ARHGAP10: variants seen among roughly 807,000 people sequenced by gnomAD.
ARHGAP10 encodes the protein rho GTPase-activating protein 10.
In ARHGAP10, 87 loss-of-function variants were observed where a neutral mutation model predicts 108.6. That is an observed-to-expected ratio of 0.80 (90% CI 0.67 to 0.96). The LOEUF (loss-of-function observed/expected upper bound fraction) is 0.96. Ranked by LOEUF, ARHGAP10 falls within the 40% of genes least tolerant of loss-of-function variation. The pLI is 0.00. For missense variants in ARHGAP10, 939 were observed against 954.5 expected (o/e 0.98, Z 0.21); for synonymous variants, 347 against 341.1 (o/e 1.02, Z -0.19).
chr4:148,035,702 G>A (rs141357801), intron 19 of ARHGAP10, among the ~76,000 whole-genome samples: 3 of 152,248 alleles, frequency 2.0e-5, no homozygotes, highest in Admixed American at 6.5e-5. Context: ...TCTACCATGC[G>A]GCAGTTATAA....
intron 13 of ARHGAP10, among the ~76,000 whole-genome samples, chr4:147,917,584 TAGAC>T (rs1737040189): frequency 6.6e-6 from 1 of 152,206 alleles, no homozygotes; most frequent in African/African-American, 2.4e-5. Context: ...TCTGAAGCCA[TAGAC>T]AGATTAGCAT....
At chr4:147,742,974 A>G (rs1045690319) in intron 1 of ARHGAP10, among the ~76,000 whole-genome samples, 2 of 149,916 alleles carry the variant, frequency 1.3e-5, no homozygotes, top group Non-Finnish European at 3.0e-5. Context: ...TTGACATGAC[A>G]TTACATTTAT....
At chr4:147,788,759 C>T (rs1452199544) in intron 1 of ARHGAP10, among the ~76,000 whole-genome samples, 1 of 152,138 alleles carries the variant, frequency 6.6e-6, no homozygotes, top group Non-Finnish European at 1.5e-5. Flanking sequence ...GAGGTATTTG[C>T]TGAGAGCTCT....
At chr4:148,054,276 A>C (rs1560894940) in intron 20 of ARHGAP10, among the ~76,000 whole-genome samples, 1 of 152,224 alleles carries the variant, frequency 6.6e-6, no homozygotes, top group Non-Finnish European at 1.5e-5. Context: ...TACAACCTTG[A>C]AGATCTTTTA....
chr4:147,835,907 C>T (rs1365613413), intron 3 of ARHGAP10, among the ~76,000 whole-genome samples: 1 of 152,198 alleles, frequency 6.6e-6, no homozygotes, highest in African/African-American at 2.4e-5. Context: ...AAGCGAGGTT[C>T]TTACTGTCCC....
intron 1 of ARHGAP10, among the ~76,000 whole-genome samples, chr4:147,817,216 C>T (rs1442969673): frequency 2.0e-5 from 3 of 152,082 alleles, no homozygotes; most frequent in Non-Finnish European, 4.4e-5. Context: ...TTAGTGCTTT[C>T]GTTGCTGGGG....
chr4:147,930,211 G>T (rs982698485), intron 13 of ARHGAP10, among the ~76,000 whole-genome samples: 1 of 152,002 alleles, frequency 6.6e-6, no homozygotes, highest in Non-Finnish European at 1.5e-5. Flanking sequence ...AGAATCATAC[G>T]GCTGCAAAAT....
intron 10 of ARHGAP10, among the ~76,000 whole-genome samples, chr4:147,890,883 A>G (rs760324960): frequency 1.3e-5 from 2 of 152,130 alleles, no homozygotes; most frequent in Non-Finnish European, 2.9e-5. Flanking sequence ...AAAATGCTTA[A>G]TATTGTTAGC....
At chr4:147,892,985 A>G (rs1366509296) in intron 10 of ARHGAP10, among the ~76,000 whole-genome samples, 6 of 152,196 alleles carry the variant, frequency 3.9e-5, no homozygotes, top group African/African-American at 1.4e-4. Context: ...CAGGAGTGCC[A>G]CTGTTGAGAA....
At chr4:147,766,914 T>C (rs1286409110) in intron 1 of ARHGAP10, among the ~76,000 whole-genome samples, 1 of 150,744 alleles carries the variant, frequency 6.6e-6, no homozygotes, top group African/African-American at 2.5e-5. Flanking sequence ...AGTAGTGTGA[T>C]CTTGGCTCAC....
intron 18 of ARHGAP10, among the ~76,000 whole-genome samples, chr4:148,000,602 T>G (rs867433296): frequency 6.6e-6 from 1 of 152,250 alleles, no homozygotes; most frequent in Non-Finnish European, 1.5e-5. Context: ...TTCCTGACCT[T>G]TTTAATGATT....
intron 1 of ARHGAP10, among the ~76,000 whole-genome samples, chr4:147,791,569 TTTTG>T (rs201404112): frequency 0.011 from 1,598 of 151,448 alleles, 27 homozygotes; most frequent in African/African-American, 0.036. Context: ...TATATATATA[TTTTG>T]TTTGTTTGTT....
chr4:147,925,352 C>T (rs537529410), intron 13 of ARHGAP10, among the ~76,000 whole-genome samples: 4 of 152,288 alleles, frequency 2.6e-5, no homozygotes, highest in Non-Finnish European at 4.4e-5. Context: ...TCTGATGTTT[C>T]CCATCTCTGC....
intron 19 of ARHGAP10, 124 bp from the exon 20 acceptor site, chr4:148,046,768 C>T: frequency 1.0e-6 from 1 of 967,288 alleles, no homozygotes; most frequent in Non-Finnish European, 1.5e-6. Context: ...CAGATACTGT[C>T]AGGCTGAACT....
At chr4:147,834,708 A>C (rs537478769) in intron 3 of ARHGAP10, among the ~76,000 whole-genome samples, 2 of 146,516 alleles carry the variant, frequency 1.4e-5, no homozygotes, top group African/African-American at 5.4e-5. Context: ...ACACCCATAC[A>C]CATACCCACC....
intron 18 of ARHGAP10, among the ~76,000 whole-genome samples, chr4:147,995,396 A>G (rs1195651872): frequency 6.6e-6 from 1 of 152,216 alleles, no homozygotes; most frequent in South Asian, 2.1e-4. Context: ...GGGTGATATT[A>G]AAATACTGTA....
At chr4:147,960,295 G>A (rs909257322) in intron 16 of ARHGAP10, among the ~76,000 whole-genome samples, 1 of 151,658 alleles carries the variant, frequency 6.6e-6, no homozygotes, top group African/African-American at 2.4e-5. Context: ...TAATTTCTTA[G>A]CCTTTTTGCA....
chr4:147,799,026 T>C (rs1731469448), intron 1 of ARHGAP10, among the ~76,000 whole-genome samples: 1 of 151,712 alleles, frequency 6.6e-6, no homozygotes, highest in Non-Finnish European at 1.5e-5. Context: ...GGCCTGAATT[T>C]CTTTTTGTCC....
intron 18 of ARHGAP10, among the ~76,000 whole-genome samples, chr4:147,972,354 A>G (rs762137961): frequency 6.6e-6 from 1 of 152,204 alleles, no homozygotes; most frequent in Non-Finnish European, 1.5e-5. Context: ...TTCCCATTGC[A>G]TAAATATATG....
Sources: allele counts gnomAD v4.1 joint callset (sites outside exome capture counted in the v4.1 genomes callset), GRCh38; gene constraint gnomAD v4.1.1; transcripts MANE v1.5; gene names NCBI Gene and HGNC (gene_info 2026-07-23, HGNC 2026-07-21).